Variants in CCN2 observed in about 807,000 individuals in gnomAD.
CCN2 encodes the protein cellular communication network factor 2.
In CCN2, 22 loss-of-function variants were observed where a neutral mutation model predicts 33.2. The ratio of observed to expected loss-of-function variants is 0.66; its 90% CI spans 0.47 to 0.95. The LOEUF (loss-of-function observed/expected upper bound fraction) is 0.95, where lower values mean the gene tolerates loss of function less well. Ranked by LOEUF, CCN2 falls within the 40% of genes least tolerant of loss-of-function variation. The probability of loss-of-function intolerance (pLI) is 0.00; values close to 1 mark genes in which losing one functional copy is unlikely to be tolerated. For synonymous variants in CCN2, 178 were observed against 200.6 expected, an observed-to-expected ratio of 0.89 and a Z score of 0.95; for missense variants, 469 against 498.8, an observed-to-expected ratio of 0.94 and a Z score of 0.57.
chr6:131,950,571 T>G lies in CCN2; in HGVS notation c.290-28A>C. The G allele has an allele frequency of 6.2e-7, 1 of 1,603,942 alleles. No homozygotes were observed. Among genetic ancestry groups the G allele is most frequent in the Non-Finnish European group, 8.5e-7 (1 of 1,175,004 alleles). On this transcript the variant is annotated intron_variant, in intron 2 of 4. Coordinates refer to ENST00000367976, the MANE Select transcript of CCN2 (RefSeq NM_001901.4). This position sits in a 1 kb window ranked among gnomAD's most constrained non-coding sequence, Gnocchi z 7.1. ...GGAGAAGAGGAAGGGAAGAGAGGGG[T>G]GGGGGATGCAGAGGTCAGGCATTGG... is the stretch of plus-strand genomic sequence containing the variant.
In CCN2 at chr6:131,950,012, T is replaced by A. The variant is rs773426100; in HGVS notation, c.690A>T (p.Leu230=). 1.2e-6 allele frequency: 2 copies of A among 1,614,238 alleles called. No homozygotes were observed. Among genetic ancestry groups the A allele is most frequent in the Non-Finnish European group, 1.7e-6 (2 of 1,180,030 alleles). ...CCATGCACAGGCGGCTCTGCTTCTC[T>A]AGCCTGCAGGAGGCGTTGTCATTGG... ...RVTNDNASCR[L]EKQSRLCMVR... Residue 230 remains leucine (L), a synonymous_variant, in exon 4 of 5, where the codon CTA becomes CTT. Transcript: ENST00000367976. This position sits in a 1 kb window ranked among gnomAD's most constrained non-coding sequence, Gnocchi z 7.1.
rs1585882309 is a variant in CCN2, at chr6:131,951,258, G to A, written c.-86C>T. Reference sequence around the variant, plus strand: ...GGAGCGCTGGCGGTGGTCGGAGGTGGGGACCGGGACGCGCCGGGCTGTCGT... The same window carrying A: ...GGAGCGCTGGCGGTGGTCGGAGGTGAGGACCGGGACGCGCCGGGCTGTCGT... On this transcript the variant is annotated 5_prime_UTR_variant, in exon 1 of 5. Transcript: ENST00000367976. 7.9e-6 allele frequency: 9 copies of A among 1,146,188 alleles called. No homozygotes were observed. The East Asian group carries it at 2.7e-4, about 35-fold the overall frequency. 71.0% of individuals were successfully genotyped at this position (1,146,188 alleles called of 1,614,324 possible). A position where few individuals can be genotyped will look rare whatever the true frequency, so the allele number is the denominator to read the frequency against.
Position 131,950,943 on chromosome 6 carries a change from G to C in CCN2, c.116C>G (p.Pro39Arg), listed in dbSNP as rs1783100317. The C allele has an allele frequency of 7.1e-7, 1 of 1,403,614 alleles. No homozygotes were observed. The highest frequency in any genetic ancestry group is 9.2e-7 in the Non-Finnish European group (1 of 1,090,010). The allele number at this position is 1,403,614 out of a possible 1,614,324, so 86.9% of individuals were successfully genotyped here. The change falls in exon 2 of 5, where the codon CCG becomes CGG. Residue 39 changes from proline (P) to arginine (R), a missense_variant. Coordinates refer to ENST00000367976, the MANE Select transcript of CCN2 (RefSeq NM_001901.4). The surrounding 1 kb of genome is among the most constrained non-coding windows in gnomAD (Gnocchi z 7.1). The stretch of plus-strand genomic sequence containing the variant: ...CACGCCCGCCGGGCAGCGCGGCGCC[G>C]GCTCGTCCGGGCACCGGCACGGCCC... ...CSGPCRCPDEPAPRCPAGVSL... is the reference protein window; with the variant it reads ...CSGPCRCPDERAPRCPAGVSL...
Position 131,948,723 on chromosome 6 carries a change from A to G in CCN2, c.*541T>C, listed in dbSNP as rs1297935421. The stretch of plus-strand genomic sequence containing the variant: ...GTTACAGGCAAATTCACTTGCCACA[A>G]GCTGTCCAGTCTAATCGACAGGATT... On this transcript the variant is annotated 3_prime_UTR_variant, in exon 5 of 5. Transcript: ENST00000367976. 6.3e-6 allele frequency: 1 copy of G among 159,144 alleles called. No homozygotes were observed. The highest frequency in any genetic ancestry group is 2.4e-5 in the African/African-American group (1 of 41,496). 9.9% of individuals were successfully genotyped at this position (159,144 alleles called of 1,614,324 possible).
chr6:131,950,235 A>G lies in CCN2; in HGVS notation c.541+57T>C. 2 of 1,610,678 alleles carry G rather than the reference A, an allele frequency of 1.2e-6. No homozygotes were observed. Among genetic ancestry groups the G allele is most frequent in the South Asian group, 1.1e-5 (1 of 90,870 alleles). Reference sequence around the variant, plus strand: ...TTTCCCCCGTTCGGTCGGCACAGTTAGGACTCCCTCCCTGGGAGAGAATCA... The same window carrying G: ...TTTCCCCCGTTCGGTCGGCACAGTTGGGACTCCCTCCCTGGGAGAGAATCA... On this transcript the variant is annotated intron_variant, in intron 3 of 4. Coordinates refer to ENST00000367976, the MANE Select transcript of CCN2 (RefSeq NM_001901.4). This position sits in a 1 kb window ranked among gnomAD's most constrained non-coding sequence, Gnocchi z 7.1.
At position 131,950,353 on chromosome 6, in the gene CCN2, G is replaced by T; in HGVS notation, c.480C>A (p.Cys160Ter). 1 of 1,614,170 alleles carries T rather than the reference G, an allele frequency of 6.2e-7. No homozygotes were observed. The highest frequency in any genetic ancestry group is 1.3e-5 in the African/African-American group (1 of 75,058). ...FPRRVKLPGK[C>*]CEEWVCDEPK... is the part of the protein sequence containing the mutation. The stretch of plus-strand genomic sequence containing the variant: ...GCTCGTCACACACCCACTCCTCGCA[G>T]CATTTCCCGGGCAGCTTGACCCTCC... The change falls in exon 3 of 5, where the codon TGC (cysteine) becomes TGA (stop). Residue 160 changes from cysteine to a stop codon, truncating the protein, a stop_gained. Coordinates refer to ENST00000367976, the MANE Select transcript of CCN2 (RefSeq NM_001901.4). LOFTEE classifies it high-confidence loss of function. This position sits in a 1 kb window ranked among gnomAD's most constrained non-coding sequence, Gnocchi z 7.1.
Position 131,951,158 on chromosome 6 carries a change from A to C in CCN2, c.15T>G (p.Ser5Arg), listed in dbSNP as rs1783105117. Reference sequence around the variant, plus strand: ...CGAAGGCGACGCGGACGGGGCCCATACTGGCGGCGGTCATGGTTGGCACTG... The same window carrying C: ...CGAAGGCGACGCGGACGGGGCCCATCCTGGCGGCGGTCATGGTTGGCACTG... MTAA[S>R]MGPVRVAFVV... The change falls in exon 1 of 5, where the codon AGT becomes AGG. Residue 5 changes from serine (S) to arginine (R), a missense_variant. Coordinates refer to ENST00000367976, the MANE Select transcript of CCN2 (RefSeq NM_001901.4). 1 of 1,342,932 alleles carries C rather than the reference A, an allele frequency of 7.4e-7. No individual in the cohort carries two copies. Among genetic ancestry groups the C allele is most frequent in the African/African-American group, 1.5e-5 (1 of 66,064 alleles). 83.2% of individuals were successfully genotyped at this position (1,342,932 alleles called of 1,614,324 possible). A position where few individuals can be genotyped will look rare whatever the true frequency, so the allele number is the denominator to read the frequency against.
chr6:131,950,790 C>T lies in CCN2; in HGVS notation c.269G>A (p.Arg90His), dbSNP rs867106833. 1.9e-6 allele frequency: 3 copies of T among 1,544,972 alleles called. No individual in the cohort carries two copies. In the Admixed American group the frequency reaches 5.7e-5, roughly 30 times the overall value. ...LFCHFGSPAN[R>H]KIGVCTAKDG... ...CTTACCGGTGCACACGCCGATCTTGCGGTTGGCCGGGGAGCCGAAGTGACA... is the reference window on the plus strand; with the variant it reads ...CTTACCGGTGCACACGCCGATCTTGTGGTTGGCCGGGGAGCCGAAGTGACA... Residue 90 changes from arginine to histidine, a missense_variant, in exon 2 of 5, where the codon CGC becomes CAC. Physicochemically the swap from Arg to His is conservative, Grantham distance 29. Transcript: ENST00000367976. This position sits in a 1 kb window ranked among gnomAD's most constrained non-coding sequence, Gnocchi z 7.1.
chr6:131,949,880 A>G lies in CCN2; in HGVS notation c.753+69T>C, dbSNP rs1461771125. Reference sequence around the variant, plus strand: ...CGGGCTTATACTAACAAGCGTGGCAAGAGCCCTAAGTTGGGTCCTATCCAC... The same window carrying G: ...CGGGCTTATACTAACAAGCGTGGCAGGAGCCCTAAGTTGGGTCCTATCCAC... On this transcript the variant is annotated intron_variant, in intron 4 of 4. Coordinates refer to ENST00000367976, the MANE Select transcript of CCN2 (RefSeq NM_001901.4). 4.1e-6 allele frequency: 6 copies of G among 1,453,698 alleles called. No homozygotes were observed. In the East Asian group the frequency reaches 6.8e-5, roughly 17 times the overall value. 90.0% of individuals were successfully genotyped at this position (1,453,698 alleles called of 1,614,324 possible).
At chr6:131,951,025 G>T in intron 1 of CCN2, 33 bp from the exon 2 acceptor site, 1 of 1,255,666 alleles carries the variant, frequency 8.0e-7, no homozygotes, top group Non-Finnish European at 9.9e-7. Flanking sequence ...AGCGGCGCTC[G>T]GTCGGCGCGC....
chr6:131,949,252 C>A lies in CCN2; in HGVS notation c.*12G>T. The A allele has an allele frequency of 6.2e-7, 1 of 1,609,004 alleles. No homozygotes were observed. Among genetic ancestry groups the A allele is most frequent in the South Asian group, 1.1e-5 (1 of 90,980 alleles). On this transcript the variant is annotated 3_prime_UTR_variant, in exon 5 of 5. Coordinates refer to ENST00000367976, the MANE Select transcript of CCN2 (RefSeq NM_001901.4). ...TCCAGTCTAATGAGTTAATGTCTCT[C>A]ACTCTCTGGCTTCATGCCATGTCTC...
Position 131,950,366 on chromosome 6 carries a change from A to C in CCN2, c.467T>G (p.Leu156Arg), listed in dbSNP as rs1783086332. ...CCACTCCTCGCAGCATTTCCCGGGCAGCTTGACCCTCCTCGGGAAGGGGCA... is the reference window on the plus strand; with the variant it reads ...CCACTCCTCGCAGCATTTCCCGGGCCGCTTGACCCTCCTCGGGAAGGGGCA... ...PDCPFPRRVK[L>R]PGKCCEEWVC... The change falls in exon 3 of 5, where the codon CTG (leucine) becomes CGG (arginine). Residue 156 changes from leucine to arginine, a missense_variant. Physicochemically the swap from Leu to Arg is moderately radical, Grantham distance 102. Coordinates refer to ENST00000367976, the MANE Select transcript of CCN2 (RefSeq NM_001901.4). The surrounding 1 kb of genome is among the most constrained non-coding windows in gnomAD (Gnocchi z 7.1). 6.2e-7 allele frequency: 1 copy of C among 1,613,992 alleles called. No homozygotes were observed. Among genetic ancestry groups the C allele is most frequent in the Non-Finnish European group, 8.5e-7 (1 of 1,180,038 alleles).
Position 131,951,212 on chromosome 6 carries a change from G to A in CCN2, c.-40C>T, listed in dbSNP as rs775861008. The A allele has an allele frequency of 2.1e-5, 27 of 1,269,398 alleles. No individual in the cohort carries two copies. In the South Asian group the frequency reaches 5.7e-4, roughly 27 times the overall value. 78.6% of individuals were successfully genotyped at this position (1,269,398 alleles called of 1,614,324 possible). A position where few individuals can be genotyped will look rare whatever the true frequency, so the allele number is the denominator to read the frequency against. ...GCGGAGCGGAGGGCGCGGTGGCGGC[G>A]AGCGGGGAGCGGCGGGGCCTGGAGC... On this transcript the variant is annotated 5_prime_UTR_variant, in exon 1 of 5. Transcript: ENST00000367976.
chr6:131,948,990 C>A lies in CCN2; in HGVS notation c.*274G>T. On this transcript the variant is annotated 3_prime_UTR_variant, in exon 5 of 5. Coordinates refer to ENST00000367976, the MANE Select transcript of CCN2 (RefSeq NM_001901.4). The stretch of plus-strand genomic sequence containing the variant: ...ACTAACCTTTCTGCTGGTACCCTCC[C>A]ACTGCTCCTAAAGCCACACCTTAAT... 1 of 465,082 alleles carries A rather than the reference C, an allele frequency of 2.2e-6. No individual in the cohort carries two copies. 28.8% of individuals were successfully genotyped at this position (465,082 alleles called of 1,614,324 possible). A position where few individuals can be genotyped will look rare whatever the true frequency, so the allele number is the denominator to read the frequency against.
chr6:131,950,687 C>T lies in CCN2; in HGVS notation c.289+83G>A, dbSNP rs1365345632. On this transcript the variant is annotated intron_variant, in intron 2 of 4. Transcript: ENST00000367976. The surrounding 1 kb of genome is among the most constrained non-coding windows in gnomAD (Gnocchi z 7.1). ...AGCAGCTGGAGAAAGAAACTCAGTCCGAGCGGTTTCTTTTTCCAGCGGGCG... is the reference window on the plus strand; with the variant it reads ...AGCAGCTGGAGAAAGAAACTCAGTCTGAGCGGTTTCTTTTTCCAGCGGGCG... 3 of 1,473,640 alleles carry T rather than the reference C, an allele frequency of 2.0e-6. No individual in the cohort carries two copies. Among genetic ancestry groups the T allele is most frequent in the African/African-American group, 2.8e-5 (2 of 72,284 alleles). 91.3% of individuals were successfully genotyped at this position (1,473,640 alleles called of 1,614,324 possible).
At position 131,949,324 on chromosome 6, in the gene CCN2, G is replaced by A; in HGVS notation, c.990C>T (p.Pro330=). ...GCGATTCAAAGATGTCATTGTCTCC[G>A]GGACAGTTGTAATGGCAGGCACAGG... ...IKTCACHYNC[P]GDNDIFESLY... is the part of the protein sequence containing the mutation. The change falls in exon 5 of 5, where the codon CCC becomes CCT. Residue 330 remains proline, a synonymous_variant. Transcript: ENST00000367976. The A allele has an allele frequency of 3.1e-6, 5 of 1,614,140 alleles. No homozygotes were observed. The South Asian group carries it at 4.4e-5, about 14-fold the overall frequency.
At position 131,950,293 on chromosome 6, in the gene CCN2, C is replaced by T. The variant is rs771934687; in HGVS notation, c.540G>A (p.Ala180=). 6 of 1,612,856 alleles carry T rather than the reference C, an allele frequency of 3.7e-6. No homozygotes were observed. Among genetic ancestry groups the T allele is most frequent in the South Asian group, 1.1e-5 (1 of 91,046 alleles). The change falls in exon 3 of 5, where the codon GCG becomes GCA. Residue 180 remains alanine (A), a splice_region_variant and synonymous_variant. Transcript: ENST00000367976. This position sits in a 1 kb window ranked among gnomAD's most constrained non-coding sequence, Gnocchi z 7.1. ...GACTTAGAGGAAGACTCGACTCACC[C>T]GCGAGGGCAGGCCCAACCACGGTTT... The part of the protein sequence containing the change: ...KDQTVVGPAL[A]AYRLEDTFGP...
chr6:131,949,468 T>G lies in CCN2; in HGVS notation c.846A>C (p.Lys282Asn). The G allele has an allele frequency of 1.2e-6, 2 of 1,614,152 alleles. No homozygotes were observed. The highest frequency in any genetic ancestry group is 8.5e-7 in the Non-Finnish European group (1 of 1,180,028). Residue 282 changes from lysine (K) to asparagine (N), a missense_variant, in exon 5 of 5, where the codon AAA becomes AAC. By Grantham distance (94) the Lys-to-Asn change is moderately conservative. Transcript: ENST00000367976. ...GCTSMKTYRA[K>N]FCGVCTDGRC... ...GGCCGTCGGTACATACTCCACAGAATTTAGCTCGGTATGTCTTCATGCTGG... is the reference window on the plus strand; with the variant it reads ...GGCCGTCGGTACATACTCCACAGAAGTTAGCTCGGTATGTCTTCATGCTGG...
In CCN2 at chr6:131,951,008, G is replaced by C; in HGVS notation, c.67-16C>G. On this transcript the variant is annotated splice_polypyrimidine_tract_variant and intron_variant, in intron 1 of 4. Coordinates refer to ENST00000367976, the MANE Select transcript of CCN2 (RefSeq NM_001901.4). ...CGACGGCCGGCTGCAGGGAGGACAG[G>C]GCGGTCAGCGGCGCTCGGTCGGCGC... The C allele has an allele frequency of 7.9e-7, 1 of 1,267,532 alleles. No individual in the cohort carries two copies. The allele number at this position is 1,267,532 out of a possible 1,614,324, so 78.5% of individuals were successfully genotyped here. A position where few individuals can be genotyped will look rare whatever the true frequency, so the allele number is the denominator to read the frequency against.
Sources: gnomAD v4.1 joint callset for allele counts on GRCh38, gnomAD v4.1.1 for gene constraint, Gnocchi (gnomAD v3.1) non-coding constraint, MANE v1.5 for transcripts, NCBI Gene and HGNC (gene_info 2026-07-23, HGNC 2026-07-21) for gene names.